RHEB: variants seen among roughly 807,000 people sequenced by gnomAD.
RHEB encodes GTP-binding protein Rheb.
Under a neutral mutation model 28.8 loss-of-function variants are expected in RHEB, and 2 were observed. The observed-to-expected ratio is 0.07, with a 90% confidence interval of 0.03 to 0.22. The LOEUF (loss-of-function observed/expected upper bound fraction) is 0.22, where lower values mean the gene tolerates loss of function less well. RHEB is among the 10% of genes least tolerant of loss of function. The pLI is 1.00. For missense variants in RHEB, 76 were observed against 219.9 expected (o/e 0.35, Z 4.14); for synonymous variants, 69 against 77.3 (o/e 0.89, Z 0.56).
chr7:151,467,986 A>G (rs1802096070), intron 7 of RHEB, among the ~76,000 whole-genome samples: 2 of 152,010 alleles, frequency 1.3e-5, no homozygotes, highest in Non-Finnish European at 2.9e-5. Context: ...CTCCTTATGC[A>G]CCAGGACAAC....
At position 151,474,653 on chromosome 7, in the gene RHEB, T is replaced by G. The variant is rs192224611; in HGVS notation, c.275+2680A>C. Among the ~76,000 whole-genome samples, 799 of 152,312 alleles carry G rather than the reference T, an allele frequency of 5.2e-3. 12 individuals are homozygous for G. Among genetic ancestry groups the G allele is most frequent in the Non-Finnish European group, 8.3e-3 (563 of 68,026 alleles). On this transcript the variant is annotated intron_variant, in intron 4 of 7. Transcript: ENST00000262187. Reference sequence around the variant, plus strand: ...TCACATCTCTCAACTGCAGGTTTCTTTTTTCCATTTCTAGAAATTATGAAA... The same window carrying G: ...TCACATCTCTCAACTGCAGGTTTCTGTTTTCCATTTCTAGAAATTATGAAA...
In RHEB at chr7:151,466,031, TTA is replaced by T. The variant is rs1802055119; in HGVS notation, c.*1086_*1087del. On this transcript the variant is annotated 3_prime_UTR_variant, in exon 8 of 8. Coordinates refer to ENST00000262187, the MANE Select transcript of RHEB (RefSeq NM_005614.4). ...ATCAACTGCAAAGCAAAACTATATT[TTA>T]TTAATAAAGTCAATGGTAACATTTG... 1 of 150,534 alleles carries T rather than the reference TTA, an allele frequency of 6.6e-6. No homozygotes were observed. The highest frequency in any genetic ancestry group is 2.1e-4 in the South Asian group (1 of 4,830). 9.3% of individuals were successfully genotyped at this position (150,534 alleles called of 1,614,324 possible). A position where few individuals can be genotyped will look rare whatever the true frequency, so the allele number is the denominator to read the frequency against.
chr7:151,511,726 C>T (rs1044864719), intron 1 of RHEB, among the ~76,000 whole-genome samples: 2 of 151,748 alleles, frequency 1.3e-5, no homozygotes, highest in Non-Finnish European at 2.9e-5. Flanking sequence ...CGACTCACTG[C>T]AACCTCCCCC....
intron 4 of RHEB, 50 bp downstream of exon 4, chr7:151,477,283 A>G (rs1010596431): frequency 1.4e-5 from 14 of 1,027,174 alleles, no homozygotes; most frequent in East Asian, 4.8e-5. Context: ...AAAAGGATCA[A>G]TGTTATCTAT....
At chr7:151,488,793 T>C (rs1431135906) in intron 2 of RHEB, among the ~76,000 whole-genome samples, 1 of 152,230 alleles carries the variant, frequency 6.6e-6, no homozygotes, top group Non-Finnish European at 1.5e-5. Context: ...AAAGATGATG[T>C]TGATAGCCTC....
intron 1 of RHEB, among the ~76,000 whole-genome samples, chr7:151,493,291 C>A (rs887631662): frequency 4.6e-5 from 7 of 152,014 alleles, no homozygotes; most frequent in Admixed American, 1.3e-4. Flanking sequence ...CTGCCTTGGC[C>A]CCTTTACTCT....
chr7:151,502,509 A>C lies in RHEB; in HGVS notation c.53-11495T>G, dbSNP rs926121556. 3.0e-5 allele frequency: 28 copies of C among 948,210 alleles called. No homozygotes were observed. The African/African-American group carries it at 3.8e-4, about 13-fold the overall frequency. The allele number at this position is 948,210 out of a possible 1,614,324, so 58.7% of individuals were successfully genotyped here. ...GTAACAGAAGAAGGAAAGGAAAAGA[A>C]AGTCAACGTTGACTTTGAATCTTTC... On this transcript the variant is annotated intron_variant, in intron 1 of 7. Coordinates refer to ENST00000262187, the MANE Select transcript of RHEB (RefSeq NM_005614.4).
At chr7:151,510,603 G>A (rs966449920) in intron 1 of RHEB, among the ~76,000 whole-genome samples, 1 of 152,170 alleles carries the variant, frequency 6.6e-6, no homozygotes, top group Non-Finnish European at 1.5e-5. Flanking sequence ...GATTATAACT[G>A]TCCTAGCTTT....
chr7:151,494,643 G>T lies in RHEB; in HGVS notation c.53-3629C>A, dbSNP rs377327272. Among the ~76,000 whole-genome samples, 24 of 152,296 alleles carry T rather than the reference G, an allele frequency of 1.6e-4. No homozygotes were observed. In the South Asian group the frequency reaches 4.8e-3, roughly 30 times the overall value. ...AAACTGGGATACCAGAATTTAAAACGTATTCCTCCAGGGTGGAAACTGGAT... is the reference window on the plus strand; with the variant it reads ...AAACTGGGATACCAGAATTTAAAACTTATTCCTCCAGGGTGGAAACTGGAT... On this transcript the variant is annotated intron_variant, in intron 1 of 7. Coordinates refer to ENST00000262187, the MANE Select transcript of RHEB (RefSeq NM_005614.4).
At chr7:151,484,075 C>G (rs889096278) in intron 3 of RHEB, among the ~76,000 whole-genome samples, 3 of 152,140 alleles carry the variant, frequency 2.0e-5, no homozygotes, top group South Asian at 2.1e-4. Flanking sequence ...CCCAGAGACT[C>G]TACTATATAA....
chr7:151,509,715 G>C (rs746284173), intron 1 of RHEB, among the ~76,000 whole-genome samples: 1 of 152,166 alleles, frequency 6.6e-6, no homozygotes, highest in Non-Finnish European at 1.5e-5. Context: ...GTTTTGTACA[G>C]TCTATGAGCT....
At chr7:151,469,656 T>C (rs1802124989) in intron 7 of RHEB, among the ~76,000 whole-genome samples, 2 of 152,086 alleles carry the variant, frequency 1.3e-5, no homozygotes, top group African/African-American at 4.8e-5. Context: ...CCTAAGTAGA[T>C]ACTTAGAGAA....
intron 1 of RHEB, among the ~76,000 whole-genome samples, chr7:151,509,112 AGT>A (rs1251587123): frequency 1.3e-5 from 2 of 152,222 alleles, no homozygotes; most frequent in Admixed American, 6.5e-5. Flanking sequence ...ACATCCTTGT[AGT>A]AAGACACTGC....
chr7:151,483,445 A>G (rs564194780), intron 3 of RHEB, among the ~76,000 whole-genome samples: 13 of 152,262 alleles, frequency 8.5e-5, no homozygotes, highest in African/African-American at 3.1e-4. Flanking sequence ...CGGGCCAGGC[A>G]TGGTGGCTCA....
chr7:151,469,841 G>A (rs1038049554), intron 7 of RHEB, among the ~76,000 whole-genome samples: 2 of 152,214 alleles, frequency 1.3e-5, no homozygotes, highest in African/African-American at 2.4e-5. Flanking sequence ...AGGACCAGGC[G>A]AAGGGTTCTA....
At chr7:151,516,318 A>T (rs1453316112) in intron 1 of RHEB, among the ~76,000 whole-genome samples, 1 of 152,132 alleles carries the variant, frequency 6.6e-6, no homozygotes, top group African/African-American at 2.4e-5. Context: ...AAAAAGAAAA[A>T]AAGAAAACGG....
chr7:151,511,897 C>T (rs1264217346), intron 1 of RHEB, among the ~76,000 whole-genome samples: 1 of 152,114 alleles, frequency 6.6e-6, no homozygotes, highest in East Asian at 1.9e-4. Context: ...GTGATCCACT[C>T]GCCTTGGCCT....
chr7:151,480,270 C>A (rs1373130499), intron 3 of RHEB, among the ~76,000 whole-genome samples: 1 of 152,074 alleles, frequency 6.6e-6, no homozygotes, highest in African/African-American at 2.4e-5. Context: ...TGTTGATCAG[C>A]AGTTAACTTA....
intron 3 of RHEB, among the ~76,000 whole-genome samples, chr7:151,479,298 GC>G (rs1802328623): frequency 6.6e-6 from 1 of 152,072 alleles, no homozygotes; most frequent in Admixed American, 6.6e-5. Context: ...TCACACTTTG[GC>G]AAAAACATAT....
Sources: gnomAD v4.1 joint callset for allele counts (sites outside exome capture counted in the v4.1 genomes callset) on GRCh38, gnomAD v4.1.1 for gene constraint, MANE v1.5 for transcripts, NCBI Gene and HGNC (gene_info 2026-07-23, HGNC 2026-07-21) for gene names.